The following HTRA4 variants were observed in gnomAD, a reference collection of about 807,000 sequenced individuals.
HTRA4 encodes HtrA serine peptidase 4.
A neutral mutation model predicts 49.1 loss-of-function variants in HTRA4; 46 were observed. That is an observed-to-expected ratio of 0.94 (90% CI 0.74 to 1.20). The LOEUF is 1.20. Among genes scored for constraint, HTRA4 ranks in the 50% most tolerant of loss-of-function variants. The pLI is 0.00. For missense variants in HTRA4, 602 were observed against 636.9 expected (o/e 0.95, Z 0.59); for synonymous variants, 261 against 264.0 (o/e 0.99, Z 0.11).
chr8:38,974,657 G>A lies in HTRA4; in HGVS notation c.394G>A (p.Glu132Lys), dbSNP rs753932120. Residue 132 changes from glutamate (E) to lysine (K), a missense_variant, in exon 1 of 9, where the codon GAA becomes AAA. By Grantham distance (56) the Glu-to-Lys change is moderately conservative. Coordinates refer to ENST00000302495, the MANE Select transcript of HTRA4 (RefSeq NM_153692.4). ...CCCCAGCATGTGCGCGCTCCGGGCCGAAAACCGCGCCGCGCGCCGCCTGGG... is the reference window on the plus strand; with the variant it reads ...CCCCAGCATGTGCGCGCTCCGGGCCAAAAACCGCGCCGCGCGCCGCCTGGG... ...TYPSMCALRA[E>K]NRAARRLGKV... The A allele has an allele frequency of 1.3e-5, 18 of 1,402,446 alleles. No homozygotes were observed. In the East Asian group the frequency reaches 4.3e-4, roughly 34 times the overall value. The allele number at this position is 1,402,446 out of a possible 1,614,324, so 86.9% of individuals were successfully genotyped here.
chr8:38,987,253 G>A (rs1424837724), intron 8 of HTRA4, among the ~76,000 whole-genome samples: 1 of 152,044 alleles, frequency 6.6e-6, no homozygotes, highest in African/African-American at 2.4e-5. Context: ...TTTCTGTATT[G>A]TAGTGTTTTG....
intron 5 of HTRA4, among the ~76,000 whole-genome samples, chr8:38,981,081 T>TTTTTG (rs1835415884): frequency 7.8e-6 from 1 of 128,814 alleles, no homozygotes; most frequent in African/African-American, 2.9e-5. Flanking sequence ...TTTTTTTTTT[T>TTTTTG]TTTTTTTTTT....
At chr8:38,981,130 A>T (rs540003039) in intron 5 of HTRA4, among the ~76,000 whole-genome samples, 64 of 115,786 alleles carry the variant, frequency 5.5e-4, no homozygotes, top group Middle Eastern at 0.015. Context: ...CCCAGGCCGG[A>T]GTGCAGTGGC....
In HTRA4 at chr8:38,988,115, T is replaced by A; in HGVS notation, c.*17T>A. On this transcript the variant is annotated 3_prime_UTR_variant, in exon 9 of 9. Coordinates refer to ENST00000302495, the MANE Select transcript of HTRA4 (RefSeq NM_153692.4). ...ATCAATTAAATATCTTGTTTTAAAG[T>A]GGGATTATCTAAAAAAAAAAAAACC... The A allele has an allele frequency of 6.7e-7, 1 of 1,487,870 alleles. No homozygotes were observed. 92.2% of individuals were successfully genotyped at this position (1,487,870 alleles called of 1,614,324 possible).
At position 38,979,360 on chromosome 8, in the gene HTRA4, A is replaced by T. The variant is rs761201701; in HGVS notation, c.999+113A>T. 963 of 959,428 alleles carry T rather than the reference A, an allele frequency of 1.0e-3. 2 individuals carry two copies. The Middle Eastern group carries it at 0.01, about 10-fold the overall frequency. The allele number at this position is 959,428 out of a possible 1,614,324, so 59.4% of individuals were successfully genotyped here. A position where few individuals can be genotyped will look rare whatever the true frequency, so the allele number is the denominator to read the frequency against. ...CTGTAATCCCAGCACATTTGGGATG[A>T]CTGCTTGGGGCCAGGAGTTTGAGAC... On this transcript the variant is annotated intron_variant, in intron 5 of 8. Transcript: ENST00000302495.
chr8:38,986,674 A>G (rs561500446), intron 8 of HTRA4, among the ~76,000 whole-genome samples: 1 of 152,364 alleles, frequency 6.6e-6, no homozygotes, highest in East Asian at 1.9e-4. Flanking sequence ...TAACTTGTAG[A>G]ACGCAGTAAA....
rs1222426304 is a variant in HTRA4 at position 38,988,149 on chromosome 8, C to T, written c.*51C>T. 6.9e-7 allele frequency: 1 copy of T among 1,442,564 alleles called. No individual in the cohort carries two copies. The highest frequency in any genetic ancestry group is 2.5e-5 in the East Asian group (1 of 39,798). 89.4% of individuals were successfully genotyped at this position (1,442,564 alleles called of 1,614,324 possible). A position where few individuals can be genotyped will look rare whatever the true frequency, so the allele number is the denominator to read the frequency against. ...CTAAAAAAAAAAAAACCAGTTATATCACGTGGTTTGTATTGGAGATGTGCC... is the reference window on the plus strand; with the variant it reads ...CTAAAAAAAAAAAAACCAGTTATATTACGTGGTTTGTATTGGAGATGTGCC... On this transcript the variant is annotated 3_prime_UTR_variant, in exon 9 of 9. Transcript: ENST00000302495.
At chr8:38,986,381 C>G (rs1835482730) in intron 8 of HTRA4, among the ~76,000 whole-genome samples, 1 of 152,160 alleles carries the variant, frequency 6.6e-6, no homozygotes, top group African/African-American at 2.4e-5. Flanking sequence ...CTCCTGGGTT[C>G]AAGCGATTCT....
chr8:38,982,283 G>C (rs1252056038), intron 6 of HTRA4, among the ~76,000 whole-genome samples: 1 of 152,170 alleles, frequency 6.6e-6, no homozygotes, highest in African/African-American at 2.4e-5. Flanking sequence ...TATTTGGATT[G>C]AGCTAATGTG....
At position 38,974,617 on chromosome 8, in the gene HTRA4, C is replaced by T. The variant is rs556082717; in HGVS notation, c.354C>T (p.Ser118=). ...CGCTGGGAGGGGCCGTGTGCGGCAG[C>T]GACAGGCGCACCTACCCCAGCATGT... ...CPTLGGAVCG[S]DRRTYPSMCA... is the part of the protein sequence containing the mutation. Residue 118 remains serine (S), a synonymous_variant, in exon 1 of 9, where the codon AGC becomes AGT. Transcript: ENST00000302495. 5.0e-5 allele frequency: 71 copies of T among 1,425,944 alleles called. No individual in the cohort carries two copies. In the East Asian group the frequency reaches 1.9e-3, roughly 39 times the overall value. 88.3% of individuals were successfully genotyped at this position (1,425,944 alleles called of 1,614,324 possible).
intron 8 of HTRA4, 47 bp from the exon 9 acceptor site, chr8:38,987,889 A>C: frequency 6.8e-7 from 1 of 1,478,326 alleles, no homozygotes; most frequent in East Asian, 2.4e-5. Context: ...GATAAGTAAA[A>C]TTCTTGTTAT....
At chr8:38,985,591 A>AT in intron 8 of HTRA4, among the ~76,000 whole-genome samples, 1 of 152,168 alleles carries the variant, frequency 6.6e-6, no homozygotes, top group Admixed American at 6.5e-5. Flanking sequence ...CACAGCAGTC[A>AT]TAGGTCTCAT....
intron 5 of HTRA4, among the ~76,000 whole-genome samples, chr8:38,980,095 T>C (rs984596345): frequency 6.6e-6 from 1 of 152,182 alleles, no homozygotes; most frequent in Non-Finnish European, 1.5e-5. Flanking sequence ...GTATTCCGTG[T>C]CTCTAGTGGA....
chr8:38,984,182 G>T (rs574063462), intron 8 of HTRA4, among the ~76,000 whole-genome samples: 1 of 151,874 alleles, frequency 6.6e-6, no homozygotes, highest in East Asian at 2.0e-4. Flanking sequence ...TGTATTTTTA[G>T]TAGAGACAGG....
intron 8 of HTRA4, among the ~76,000 whole-genome samples, chr8:38,985,157 ACTT>A (rs1382469203): frequency 8.1e-6 from 1 of 122,718 alleles, no homozygotes; most frequent in Non-Finnish European, 1.7e-5. Context: ...TTTCTGTTGT[ACTT>A]CTTTTTTTTT....
intron 5 of HTRA4, among the ~76,000 whole-genome samples, chr8:38,980,386 C>G (rs1196587775): frequency 6.6e-6 from 1 of 151,848 alleles, no homozygotes; most frequent in Non-Finnish European, 1.5e-5. Flanking sequence ...AATTTCAGGC[C>G]ATACCCCCGA....
chr8:38,987,898 A>G, intron 8 of HTRA4, 38 bp from the exon 9 acceptor site: 1 of 1,503,710 alleles, frequency 6.7e-7, no homozygotes, highest in Non-Finnish European at 8.9e-7. Flanking sequence ...AATTCTTGTT[A>G]TAGTTTCATG....
chr8:38,975,277 C>A (rs1588289702), intron 2 of HTRA4, 147 bp downstream of exon 2: 1 of 769,472 alleles, frequency 1.3e-6, no homozygotes, highest in Non-Finnish European at 2.1e-6. Context: ...TGTTCAAGGT[C>A]ATTTAACCAA....
chr8:38,978,045 CACAGCT>C lies in HTRA4; in HGVS notation c.867_872del (p.Thr291_Ala292del). On this transcript the variant is annotated inframe_deletion, in exon 4 of 9. Coordinates refer to ENST00000302495, the MANE Select transcript of HTRA4 (RefSeq NM_153692.4). ...TGGGCAGCCCATTTTCTCTGCAGAA[CACAGCT>C]ACTGCAGGAATTGTCAGCACCAAAC... 4 of 1,614,108 alleles carry C rather than the reference CACAGCT, an allele frequency of 2.5e-6. No homozygotes were observed. The highest frequency in any genetic ancestry group is 1.7e-4 in the Middle Eastern group (1 of 6,058).
Sources: gnomAD v4.1 joint callset for allele counts (sites outside exome capture counted in the v4.1 genomes callset) on GRCh38, gnomAD v4.1.1 for gene constraint, MANE v1.5 for transcripts, NCBI Gene and HGNC (gene_info 2026-07-23, HGNC 2026-07-21) for gene names.